The following ZNF536 variants were observed in gnomAD, a reference collection of about 807,000 sequenced individuals.
ZNF536 encodes the protein zinc finger protein 536.
Under a neutral mutation model 84.5 loss-of-function variants are expected in ZNF536, and 13 were observed. That is an observed-to-expected ratio of 0.15 (90% confidence interval 0.10 to 0.24). The LOEUF (loss-of-function observed/expected upper bound fraction) is 0.24, where lower values mean the gene tolerates loss of function less well. ZNF536 is among the 10% of genes least tolerant of loss of function. The probability of loss-of-function intolerance (pLI) is 1.00; values close to 1 mark genes in which losing one functional copy is unlikely to be tolerated. For missense variants in ZNF536, 1,536 were observed against 1,747.5 expected (o/e 0.88, Z 2.16); for synonymous variants, 811 against 742.5 (o/e 1.09, Z -1.50).
intron 2 of ZNF536, among the ~76,000 whole-genome samples, chr19:30,498,920 G>T (rs937690120): frequency 6.6e-6 from 1 of 152,138 alleles, no homozygotes; most frequent in African/African-American, 2.4e-5. Flanking sequence ...CAGCCCGTGC[G>T]ATCCTGTTCA....
intron 1 of ZNF536, among the ~76,000 whole-genome samples, chr19:30,401,405 T>C (rs1162443134): frequency 6.6e-6 from 1 of 152,196 alleles, no homozygotes; most frequent in Non-Finnish European, 1.5e-5. Context: ...CATGTCCCAG[T>C]ACCTCTGGCC....
At chr19:30,468,562 C>T (rs993842137) in intron 2 of ZNF536, among the ~76,000 whole-genome samples, 4 of 152,046 alleles carry the variant, frequency 2.6e-5, no homozygotes, top group Non-Finnish European at 5.9e-5. Context: ...ACCTCAAGGC[C>T]CGACTTGTCC....
In ZNF536 at chr19:30,663,216, T is replaced by C. The variant is rs184601557; in HGVS notation, c.170-47541T>C. Among the ~76,000 whole-genome samples the C allele has an allele frequency of 2.9e-4, 44 of 152,284 alleles. No individual in the cohort carries two copies. The East Asian group carries it at 6.8e-3, about 23-fold the overall frequency. ...TAGCACATGGTAGTGTCATTTAATA[T>C]CTAAGTACAGTAATGCTGTGCTTTA... On this transcript the variant is annotated intron_variant, in intron 1 of 1. Coordinates refer to the ZNF536 transcript ENST00000592773.
chr19:30,236,019 A>C (rs2023468746), intron 1 of ZNF536, among the ~76,000 whole-genome samples: 1 of 152,246 alleles, frequency 6.6e-6, no homozygotes, highest in South Asian at 2.1e-4. Context: ...TTCCACCCGA[A>C]AGAGGGTCAA....
At chr19:30,424,957 C>T (rs1462201998) in intron 1 of ZNF536, among the ~76,000 whole-genome samples, 1 of 152,130 alleles carries the variant, frequency 6.6e-6, no homozygotes, top group African/African-American at 2.4e-5. Flanking sequence ...ACGTATGGCT[C>T]AGGATCCCAG....
intron 1 of ZNF536, among the ~76,000 whole-genome samples, chr19:30,700,881 G>T (rs961209275): frequency 6.6e-6 from 1 of 152,150 alleles, no homozygotes; most frequent in African/African-American, 2.4e-5. Flanking sequence ...TTCAGGCGGC[G>T]CTGGTTGTGC....
chr19:30,423,248 T>G (rs967659019), intron 1 of ZNF536, among the ~76,000 whole-genome samples: 4 of 150,318 alleles, frequency 2.7e-5, no homozygotes, highest in African/African-American at 9.8e-5. Context: ...CCCATTCACA[T>G]ATCCATCCAT....
intron 1 of ZNF536, among the ~76,000 whole-genome samples, chr19:30,384,144 C>CG (rs1336570186): frequency 5.3e-5 from 6 of 112,922 alleles, no homozygotes; most frequent in Admixed American, 1.0e-4. Flanking sequence ...TTCTTTCTTT[C>CG]TTTCTTTCTT....
intron 1 of ZNF536, among the ~76,000 whole-genome samples, chr19:30,687,940 T>C (rs1482087705): frequency 2.0e-5 from 3 of 152,012 alleles, no homozygotes; most frequent in Non-Finnish European, 4.4e-5. Flanking sequence ...AAAAGATTGA[T>C]TTTATTACGT....
intron 2 of ZNF536, among the ~76,000 whole-genome samples, chr19:30,508,848 G>A (rs868415624): frequency 7.7e-5 from 6 of 78,350 alleles, no homozygotes; most frequent in Admixed American, 1.6e-4. Flanking sequence ...TTTTTTTTGC[G>A]TCAGGGTCTT....
chr19:30,245,203 TC>T (rs2024186886), intron 1 of ZNF536, among the ~76,000 whole-genome samples: 2 of 152,330 alleles, frequency 1.3e-5, no homozygotes, highest in African/African-American at 2.4e-5. Context: ...AATGCTCAGG[TC>T]CCACTCAAGT....
At chr19:30,552,773 A>C (rs1453436126) in intron 4 of ZNF536, among the ~76,000 whole-genome samples, 1 of 152,170 alleles carries the variant, frequency 6.6e-6, no homozygotes, top group Non-Finnish European at 1.5e-5. Flanking sequence ...CGACCCAGCC[A>C]GTTGGGTGGG....
intron 1 of ZNF536, among the ~76,000 whole-genome samples, chr19:30,586,279 A>G (rs1389927064): frequency 6.6e-6 from 1 of 152,226 alleles, no homozygotes; most frequent in Non-Finnish European, 1.5e-5. Context: ...AGGTTGCTTC[A>G]TTGTTCTATA....
chr19:30,674,476 G>A (rs982430067), intron 1 of ZNF536, among the ~76,000 whole-genome samples: 2 of 152,226 alleles, frequency 1.3e-5, no homozygotes, highest in African/African-American at 4.8e-5. Context: ...TAAGAAATCA[G>A]GGCATCCAGG....
chr19:30,642,295 A>G (rs1377264898), intron 1 of ZNF536, among the ~76,000 whole-genome samples: 1 of 152,140 alleles, frequency 6.6e-6, no homozygotes, highest in African/African-American at 2.4e-5. Context: ...GGTTGTTGCA[A>G]AGTACACTTG....
chr19:30,396,592 C>CTTTTTTTTTT (rs386388859), intron 1 of ZNF536, among the ~76,000 whole-genome samples: 3 of 112,402 alleles, frequency 2.7e-5, no homozygotes, highest in Non-Finnish European at 3.6e-5. Context: ...AGGGCTCTCT[C>CTTTTTTTTTT]TTTTTTTTTT....
chr19:30,327,357 A>G (rs1310593627), intron 2 of ZNF536, among the ~76,000 whole-genome samples: 2 of 152,150 alleles, frequency 1.3e-5, no homozygotes, highest in Non-Finnish European at 2.9e-5. Context: ...AGAGAGGTCC[A>G]TCCCATCCCG....
intron 2 of ZNF536, among the ~76,000 whole-genome samples, chr19:30,485,653 G>A (rs1396869884): frequency 2.0e-5 from 3 of 149,764 alleles, no homozygotes; most frequent in Non-Finnish European, 3.0e-5. Context: ...GTGGAATTCC[G>A]TGTAAAGGCT....
At chr19:30,694,015 T>C (rs1054675632) in intron 1 of ZNF536, among the ~76,000 whole-genome samples, 8 of 152,208 alleles carry the variant, frequency 5.3e-5, no homozygotes, top group African/African-American at 1.7e-4. Context: ...AATGCACTAA[T>C]GTTTTTATGA....
Sources: allele counts gnomAD v4.1 joint callset (sites outside exome capture counted in the v4.1 genomes callset), GRCh38; gene constraint gnomAD v4.1.1; transcripts MANE v1.5; gene names NCBI Gene and HGNC (gene_info 2026-07-23, HGNC 2026-07-21).